LHCGR: variants seen among roughly 807,000 people sequenced by gnomAD.
The protein encoded by LHCGR is luteinizing hormone/choriogonadotropin receptor, also known as lutropin-choriogonadotropic hormone receptor.
Under a neutral mutation model 60.7 loss-of-function variants are expected in LHCGR, and 55 were observed. That is an observed-to-expected ratio of 0.91 (90% CI 0.73 to 1.13). The LOEUF is 1.13. LHCGR is among the 50% of genes most tolerant of loss of function. The probability of loss-of-function intolerance (pLI) is 0.00; values close to 1 mark genes in which losing one functional copy is unlikely to be tolerated. For missense variants in LHCGR, 862 were observed against 836.0 expected (o/e 1.03, Z -0.38); for synonymous variants, 337 against 316.5 (o/e 1.06, Z -0.69).
chr2:48,691,386 C>T (rs1437567594), intron 10 of LHCGR, among the ~76,000 whole-genome samples: 1 of 152,092 alleles, frequency 6.6e-6, no homozygotes, highest in Non-Finnish European at 1.5e-5. Context: ...TACAGAAGAC[C>T]GCATAGGAAC....
chr2:48,719,051 G>T (rs1260471824), intron 6 of LHCGR, among the ~76,000 whole-genome samples: 2 of 152,214 alleles, frequency 1.3e-5, no homozygotes, highest in African/African-American at 4.8e-5. Flanking sequence ...GGCCGGGCAT[G>T]GTGGCTCACG....
chr2:48,749,200 A>G lies in LHCGR; in HGVS notation c.161+6311T>C, dbSNP rs371677158. Among the ~76,000 whole-genome samples, 488 of 152,298 alleles carry G rather than the reference A, an allele frequency of 3.2e-3. 3 individuals carry two copies. Among genetic ancestry groups the G allele is most frequent in the African/African-American group, 0.011 (454 of 41,580 alleles). ...CAGGGCCACATAGAGAGCAGCTGTG[A>G]GTGGTTTGCCAGGAGGTGGTGTCAT... On this transcript the variant is annotated intron_variant, in intron 1 of 10. Coordinates refer to ENST00000294954, the MANE Select transcript of LHCGR (RefSeq NM_000233.4).
At chr2:48,712,447 G>A (rs1668038794) in intron 7 of LHCGR, among the ~76,000 whole-genome samples, 1 of 152,110 alleles carries the variant, frequency 6.6e-6, no homozygotes, top group African/African-American at 2.4e-5. Context: ...AAATGCCTCT[G>A]ATTTAAGTTT....
In LHCGR at chr2:48,688,544, A is replaced by C. The variant is rs201866814; in HGVS notation, c.1253T>G (p.Val418Gly). The C allele has an allele frequency of 3.1e-6, 5 of 1,614,184 alleles. No homozygotes were observed. The highest frequency in any genetic ancestry group is 2.7e-5 in the African/African-American group (2 of 75,038). The change falls in exon 11 of 11, where the codon GTT (valine) becomes GGT (glycine). Residue 418 changes from valine to glycine, a missense_variant. Transcript: ENST00000294954. This position sits in a 1 kb window ranked among gnomAD's most constrained non-coding sequence, Gnocchi z 5.2. ...GTACTGGCCCTTGGTTTGGGAATCA[A>C]CTGAGGCTATGAGCAGCAGATAGAG... ...MGLYLLLIAS[V>G]DSQTKGQYYN...
intron 6 of LHCGR, among the ~76,000 whole-genome samples, chr2:48,714,824 G>A (rs1470321946): frequency 6.6e-6 from 1 of 151,970 alleles, no homozygotes; most frequent in East Asian, 1.9e-4. Flanking sequence ...ACAGATATGG[G>A]GAAATGTTTG....
intron 6 of LHCGR, among the ~76,000 whole-genome samples, chr2:48,714,333 T>C (rs1221859238): frequency 6.6e-6 from 1 of 152,192 alleles, no homozygotes; most frequent in Non-Finnish European, 1.5e-5. Flanking sequence ...GCTTGCTTAA[T>C]GTCAAAGGAA....
chr2:48,748,450 G>A (rs1012535291), intron 1 of LHCGR, among the ~76,000 whole-genome samples: 30 of 152,116 alleles, frequency 2.0e-4, no homozygotes, highest in African/African-American at 6.3e-4. Context: ...TGTGTCAGGG[G>A]CAGCTAAGTT....
At chr2:48,702,613 T>G (rs1558826278) in intron 8 of LHCGR, among the ~76,000 whole-genome samples, 1 of 152,212 alleles carries the variant, frequency 6.6e-6, no homozygotes, top group Non-Finnish European at 1.5e-5. Context: ...TATGGCTGCA[T>G]AGTATTTCAT....
chr2:48,739,770 A>G (rs994848370), intron 1 of LHCGR, among the ~76,000 whole-genome samples: 6 of 152,144 alleles, frequency 3.9e-5, no homozygotes, highest in Admixed American at 3.9e-4. Flanking sequence ...TATGTAACAA[A>G]CCTGCATGTT....
intron 9 of LHCGR, among the ~76,000 whole-genome samples, chr2:48,697,985 T>C (rs1241994959): frequency 6.6e-6 from 1 of 152,100 alleles, no homozygotes; most frequent in East Asian, 1.9e-4. Flanking sequence ...GTCAAAAAAG[T>C]CTGGAAAACA....
At chr2:48,721,918 G>A (rs968409369) in intron 6 of LHCGR, 6 of 391,272 alleles carry the variant, frequency 1.5e-5, no homozygotes, top group South Asian at 7.9e-5. Context: ...TTGGGAGGCC[G>A]AGGAGGGCAG....
rs1030560642 is a variant in LHCGR at position 48,735,912 on chromosome 2, G to T, written c.162-4614C>A. 3.8e-4 allele frequency among the ~76,000 whole-genome samples: 58 copies of T among 152,260 alleles called. No individual in the cohort carries two copies. The Middle Eastern group carries it at 0.01, about 27-fold the overall frequency. ...GGTTGGAGGTGATTGGATCAAGGGG[G>T]CAGATTTCCCCTTTGCTGCTGCTCT... On this transcript the variant is annotated intron_variant, in intron 1 of 10. Transcript: ENST00000294954.
chr2:48,736,171 T>C (rs567961122), intron 1 of LHCGR, among the ~76,000 whole-genome samples: 1 of 152,302 alleles, frequency 6.6e-6, no homozygotes, highest in South Asian at 2.1e-4. Flanking sequence ...GGTATTTCTT[T>C]ATAGCAGTGT....
At chr2:48,721,681 C>T (rs937779031) in intron 6 of LHCGR, 1 of 470,748 alleles carries the variant, frequency 2.1e-6, no homozygotes, top group Admixed American at 2.4e-5. Context: ...TCTTTTGCTT[C>T]ACATCTATCT....
At chr2:48,719,370 T>C (rs1028757869) in intron 6 of LHCGR, among the ~76,000 whole-genome samples, 1 of 152,146 alleles carries the variant, frequency 6.6e-6, no homozygotes, top group African/African-American at 2.4e-5. Flanking sequence ...CTCTCTACTG[T>C]GGCTTGTCAT....
intron 8 of LHCGR, 136 bp from the exon 9 acceptor site, chr2:48,698,936 G>C (rs1667264618): frequency 4.6e-6 from 3 of 658,428 alleles, no homozygotes; most frequent in Non-Finnish European, 7.6e-6. Context: ...CCGCCTCCTG[G>C]GTTCACGCCA....
intron 1 of LHCGR, among the ~76,000 whole-genome samples, chr2:48,752,006 A>AT (rs1264951864): frequency 1.3e-5 from 2 of 152,132 alleles, no homozygotes; most frequent in Non-Finnish European, 2.9e-5. Context: ...GCAAGGTGAG[A>AT]TTTTTTTCTC....
intron 4 of LHCGR, among the ~76,000 whole-genome samples, 188 bp from the exon 5 acceptor site, chr2:48,723,884 C>A (rs1045992134): frequency 6.6e-6 from 1 of 152,174 alleles, no homozygotes; most frequent in African/African-American, 2.4e-5. Flanking sequence ...ATTTAGAAGT[C>A]CCTCATGCTG....
intron 6 of LHCGR, among the ~76,000 whole-genome samples, chr2:48,717,689 G>T (rs1387088838): frequency 6.6e-6 from 1 of 152,042 alleles, no homozygotes; most frequent in Non-Finnish European, 1.5e-5. Flanking sequence ...CTCCAATGAA[G>T]TAGGGGGTCT....
Sources: allele counts gnomAD v4.1 joint callset (sites outside exome capture counted in the v4.1 genomes callset), GRCh38; gene constraint gnomAD v4.1.1; non-coding constraint Gnocchi (gnomAD v3.1); transcripts MANE v1.5; gene names NCBI Gene and HGNC (gene_info 2026-07-23, HGNC 2026-07-21).